PTPRD: variants seen among roughly 807,000 people sequenced by gnomAD.
The protein encoded by PTPRD is protein tyrosine phosphatase receptor type D, also known as receptor-type tyrosine-protein phosphatase delta.
PTPRD carries 34 observed loss-of-function variants against 214.5 expected under a neutral mutation model. The observed-to-expected ratio is 0.16, with a 90% CI of 0.12 to 0.21. PTPRD has a LOEUF of 0.21. Among genes scored for constraint, PTPRD ranks in the 10% least tolerant of loss-of-function variants. The probability of loss-of-function intolerance (pLI) is 1.00; values close to 1 mark genes in which losing one functional copy is unlikely to be tolerated. For missense variants in PTPRD, 2,545 were observed against 2,398.7 expected, an observed-to-expected ratio of 1.06 and a Z score of -1.27; for synonymous variants, 1,128 against 845.7, an observed-to-expected ratio of 1.33 and a Z score of -5.79.
chr9:8,920,004 T>C (rs2098816023), intron 11 of PTPRD, among the ~76,000 whole-genome samples: 1 of 144,074 alleles, frequency 6.9e-6, no homozygotes, highest in South Asian at 2.2e-4. Flanking sequence ...AGTATATATA[T>C]ATAATGTTAA....
intron 7 of PTPRD, among the ~76,000 whole-genome samples, chr9:9,727,735 T>C (rs921051379): frequency 1.3e-5 from 2 of 152,120 alleles, no homozygotes; most frequent in Non-Finnish European, 2.9e-5. Context: ...CTTGCCGTCT[T>C]GTGAATGTTT....
At chr9:9,498,371 A>T (rs752055368) in intron 8 of PTPRD, among the ~76,000 whole-genome samples, 66 of 152,152 alleles carry the variant, frequency 4.3e-4, no homozygotes, top group Non-Finnish European at 9.3e-4. Flanking sequence ...CCGGAAAGAT[A>T]AAAAGTAAAT....
intron 14 of PTPRD, among the ~76,000 whole-genome samples, chr9:8,581,705 C>G (rs983365787): frequency 1.3e-5 from 2 of 151,312 alleles, no homozygotes; most frequent in Admixed American, 1.3e-4. Flanking sequence ...CGAGATCCCG[C>G]TACTGCACTC....
chr9:8,403,698 C>T (rs1186348516), intron 36 of PTPRD, among the ~76,000 whole-genome samples: 1 of 152,200 alleles, frequency 6.6e-6, no homozygotes, highest in Non-Finnish European at 1.5e-5. Context: ...ACACTCCTTA[C>T]TGCAATTCTA....
At chr9:9,579,021 C>T (rs1032384464) in intron 7 of PTPRD, among the ~76,000 whole-genome samples, 5 of 151,996 alleles carry the variant, frequency 3.3e-5, no homozygotes, top group African/African-American at 9.7e-5. Context: ...CTTTATCATA[C>T]ACATTTTTAA....
At chr9:8,616,429 T>C (rs1420039230) in intron 14 of PTPRD, among the ~76,000 whole-genome samples, 2 of 152,088 alleles carry the variant, frequency 1.3e-5, no homozygotes, top group Non-Finnish European at 2.9e-5. Context: ...AACTACCATG[T>C]CTTCATAAAA....
chr9:8,521,521 A>C lies in PTPRD; in HGVS notation c.717T>G (p.Ser239=), dbSNP rs2097889420. 1.2e-6 allele frequency: 2 copies of C among 1,613,806 alleles called. No individual in the cohort carries two copies. Among genetic ancestry groups the C allele is most frequent in the Non-Finnish European group, 1.7e-6 (2 of 1,179,872 alleles). ...REVRRVPPRF[S]IPPTNHEIMP... ...TGATTTCATGATTAGTGGGTGGGATAGAGAATCTTGGTGGGACACGGCGAA... is the reference window on the plus strand; with the variant it reads ...TGATTTCATGATTAGTGGGTGGGATCGAGAATCTTGGTGGGACACGGCGAA... Residue 239 remains serine, a synonymous_variant, in exon 20 of 46, where the codon TCT becomes TCG. Coordinates refer to ENST00000381196, the MANE Select transcript of PTPRD (RefSeq NM_002839.4).
At chr9:8,405,393 G>GT (rs890533576) in intron 35 of PTPRD, among the ~76,000 whole-genome samples, 32 of 150,238 alleles carry the variant, frequency 2.1e-4, no homozygotes, top group South Asian at 6.4e-4. Context: ...TTTAACATTA[G>GT]TTTTTTTTTC....
At chr9:10,077,843 T>TTA (rs1555557602) in intron 3 of PTPRD, among the ~76,000 whole-genome samples, 1 of 149,168 alleles carries the variant, frequency 6.7e-6, no homozygotes, top group African/African-American at 2.4e-5. Context: ...TTTTTTTTTT[T>TTA]AAAAGGTTGC....
intron 12 of PTPRD, 149 bp from the exon 13 acceptor site, chr9:8,636,993 G>C: frequency 3.9e-6 from 3 of 775,638 alleles, no homozygotes; most frequent in Non-Finnish European, 5.8e-6. Context: ...AATTAGAAAA[G>C]CATCTTTTAC....
chr9:9,857,763 G>A (rs1294087678), intron 5 of PTPRD, among the ~76,000 whole-genome samples: 3 of 152,044 alleles, frequency 2.0e-5, no homozygotes, highest in African/African-American at 4.8e-5. Context: ...CACTCCTCAC[G>A]GACCACACAG....
In PTPRD at chr9:9,580,368, AC is replaced by A. The variant is rs533571232; in HGVS notation, c.-286-5588del. The stretch of plus-strand genomic sequence containing the variant: ...CCCTTTTCTTTGTGTTCTTGCCAAC[AC>A]TTTTTTGTCTTTTTGTTAATAGCCA... On this transcript the variant is annotated intron_variant, in intron 7 of 45. Transcript: ENST00000381196. Among the ~76,000 whole-genome samples the A allele has an allele frequency of 3.3e-4, 50 of 152,014 alleles. No individual in the cohort carries two copies. In the South Asian group the frequency reaches 8.7e-3, roughly 26 times the overall value.
chr9:8,345,251 C>G (rs962199851), intron 39 of PTPRD, among the ~76,000 whole-genome samples: 1 of 152,014 alleles, frequency 6.6e-6, no homozygotes, highest in African/African-American at 2.4e-5. Flanking sequence ...TTTCCTTTCC[C>G]CTTCTCTGAC....
intron 4 of PTPRD, among the ~76,000 whole-genome samples, chr9:9,970,311 G>T (rs541707007): frequency 2.0e-5 from 3 of 151,648 alleles, no homozygotes; most frequent in Non-Finnish European, 4.4e-5. Flanking sequence ...TTAGCCGGGC[G>T]TGGTGGCAGG....
intron 3 of PTPRD, among the ~76,000 whole-genome samples, chr9:10,157,845 C>G (rs998248691): frequency 1.3e-5 from 2 of 151,934 alleles, no homozygotes; most frequent in African/African-American, 4.8e-5. Flanking sequence ...ATTTTTTATT[C>G]TTTTTTCTCT....
At chr9:8,680,550 C>A (rs1375462397) in intron 12 of PTPRD, among the ~76,000 whole-genome samples, 2 of 152,088 alleles carry the variant, frequency 1.3e-5, no homozygotes, top group Non-Finnish European at 2.9e-5. Context: ...TATATTTATA[C>A]CTATCTCTAC....
intron 9 of PTPRD, among the ~76,000 whole-genome samples, chr9:9,299,592 C>A (rs1037725681): frequency 2.6e-5 from 4 of 151,662 alleles, no homozygotes; most frequent in African/African-American, 9.7e-5. Flanking sequence ...AGGGCCCCTT[C>A]CTTTTTTGAA....
At chr9:10,225,569 G>A (rs1424008545) in intron 3 of PTPRD, among the ~76,000 whole-genome samples, 1 of 152,052 alleles carries the variant, frequency 6.6e-6, no homozygotes, top group African/African-American at 2.4e-5. Context: ...AGAAGCTGCT[G>A]TGGTGTGCTG....
intron 7 of PTPRD, among the ~76,000 whole-genome samples, chr9:9,659,856 C>A (rs1263102599): frequency 2.0e-5 from 3 of 152,090 alleles, no homozygotes; most frequent in Admixed American, 2.0e-4. Context: ...CAGGAATAAC[C>A]TATTCTACTT....
Sources: allele counts gnomAD v4.1 joint callset (sites outside exome capture counted in the v4.1 genomes callset), GRCh38; gene constraint gnomAD v4.1.1; transcripts MANE v1.5; gene names NCBI Gene and HGNC (gene_info 2026-07-23, HGNC 2026-07-21).